PTPRR: variants seen among roughly 807,000 people sequenced by gnomAD.
PTPRR encodes the protein receptor-type tyrosine-protein phosphatase R.
A neutral mutation model predicts 77.2 loss-of-function variants in PTPRR; 38 were observed. The observed-to-expected ratio is 0.49, with a 90% CI of 0.38 to 0.65. The LOEUF (loss-of-function observed/expected upper bound fraction) is 0.65, where lower values mean the gene tolerates loss of function less well. Among genes scored for constraint, PTPRR ranks in the 30% least tolerant of loss-of-function variants. The probability of loss-of-function intolerance (pLI) is 0.00; values close to 1 mark genes in which losing one functional copy is unlikely to be tolerated. For synonymous variants in PTPRR, 299 were observed against 283.1 expected, an observed-to-expected ratio of 1.06 and a Z score of -0.57; for missense variants, 744 against 799.2, an observed-to-expected ratio of 0.93 and a Z score of 0.83.
At position 70,842,527 on chromosome 12, in the gene PTPRR, A is replaced by G. The variant is rs531672816; in HGVS notation, c.357+50152T>C. On this transcript the variant is annotated intron_variant, in intron 2 of 13. Coordinates refer to ENST00000283228, the MANE Select transcript of PTPRR (RefSeq NM_002849.4). ...CTGCGCTTCCTCCCCCCAAAAATGG[A>G]GAATCTGTTCTTTGCCTCTTCCAAC... 2.0e-5 allele frequency among the ~76,000 whole-genome samples: 3 copies of G among 152,318 alleles called. No homozygotes were observed. The East Asian group carries it at 5.8e-4, about 29-fold the overall frequency.
intron 2 of PTPRR, among the ~76,000 whole-genome samples, chr12:70,836,883 G>A (rs985668702): frequency 6.6e-6 from 1 of 151,802 alleles, no homozygotes; most frequent in African/African-American, 2.4e-5. Flanking sequence ...GACAGTATGT[G>A]TTCAATATAT....
Position 70,766,506 on chromosome 12 carries a change from G to C in PTPRR, c.358-1728C>G, listed in dbSNP as rs149725216. On this transcript the variant is annotated intron_variant, in intron 2 of 13. Coordinates refer to ENST00000283228, the MANE Select transcript of PTPRR (RefSeq NM_002849.4). ...GTGAACAAAGCCTCCAAGAAATATG[G>C]GACTATGTGAAAAGACCAAATCTAC... Among the ~76,000 whole-genome samples the C allele has an allele frequency of 4.3e-3, 652 of 152,128 alleles. 3 individuals are homozygous for C. Among genetic ancestry groups the C allele is most frequent in the African/African-American group, 0.015 (630 of 41,452 alleles).
intron 6 of PTPRR, among the ~76,000 whole-genome samples, chr12:70,717,673 T>C (rs1324955537): frequency 6.6e-6 from 1 of 152,168 alleles, no homozygotes; most frequent in East Asian, 1.9e-4. Context: ...ACAGAACATG[T>C]CCCATATCTA....
chr12:70,671,379 A>T (rs1274790516), intron 10 of PTPRR, among the ~76,000 whole-genome samples: 1 of 152,172 alleles, frequency 6.6e-6, no homozygotes, highest in African/African-American at 2.4e-5. Context: ...TAGGGAAAAA[A>T]AGCACAAAGC....
intron 2 of PTPRR, among the ~76,000 whole-genome samples, chr12:70,767,551 T>A (rs1208421598): frequency 2.0e-5 from 3 of 151,934 alleles, no homozygotes; most frequent in Non-Finnish European, 4.4e-5. Context: ...CTTAGACTCC[T>A]ACACAATAAT....
chr12:70,866,357 C>T (rs1327657758), intron 2 of PTPRR, among the ~76,000 whole-genome samples: 1 of 151,794 alleles, frequency 6.6e-6, no homozygotes, highest in Non-Finnish European at 1.5e-5. Context: ...GATATCACCA[C>T]CGATCCCACA....
At chr12:70,818,097 A>G (rs1434447982) in intron 2 of PTPRR, among the ~76,000 whole-genome samples, 2 of 152,072 alleles carry the variant, frequency 1.3e-5, no homozygotes, top group South Asian at 2.1e-4. Flanking sequence ...CTGTAATCCT[A>G]GCTACTCAGG....
chr12:70,727,549 G>A (rs1336540928), intron 6 of PTPRR, among the ~76,000 whole-genome samples: 4 of 152,112 alleles, frequency 2.6e-5, no homozygotes, highest in African/African-American at 9.7e-5. Context: ...TTTCCAAGTG[G>A]CCAGTAAAAA....
At chr12:70,885,188 T>C (rs1405236443) in intron 2 of PTPRR, among the ~76,000 whole-genome samples, 1 of 151,932 alleles carries the variant, frequency 6.6e-6, no homozygotes, top group Non-Finnish European at 1.5e-5. Context: ...CTCAGTAATA[T>C]TAATTGGGCA....
chr12:70,861,727 T>A (rs765489070), intron 2 of PTPRR, among the ~76,000 whole-genome samples: 1 of 152,080 alleles, frequency 6.6e-6, no homozygotes, highest in East Asian at 1.9e-4. Context: ...CATACCAAAT[T>A]ACAGTCATCT....
intron 2 of PTPRR, among the ~76,000 whole-genome samples, chr12:70,783,871 G>GAC (rs1891259419): frequency 2.6e-5 from 2 of 76,864 alleles, no homozygotes; most frequent in Admixed American, 1.2e-4. Context: ...GACGGGGGGG[G>GAC]GGGGCGGGGG....
intron 6 of PTPRR, among the ~76,000 whole-genome samples, chr12:70,712,817 A>G (rs1256376493): frequency 6.6e-6 from 1 of 152,104 alleles, no homozygotes; most frequent in Admixed American, 6.6e-5. Context: ...CCAATTTTAT[A>G]TAATATTAAT....
rs570831496 is a variant in PTPRR, at chr12:70,834,254, T to C, written c.357+58425A>G. Among the ~76,000 whole-genome samples, 6 of 152,324 alleles carry C rather than the reference T, an allele frequency of 3.9e-5. No homozygotes were observed. The South Asian group carries it at 1.2e-3, about 32-fold the overall frequency. Reference sequence around the variant, plus strand: ...TTTTATTCATTTTAAGTTTTTATTTTTTACAGGGCTGTGTGCTTTTGCTCC... The same window carrying C: ...TTTTATTCATTTTAAGTTTTTATTTCTTACAGGGCTGTGTGCTTTTGCTCC... On this transcript the variant is annotated intron_variant, in intron 2 of 13. Coordinates refer to ENST00000283228, the MANE Select transcript of PTPRR (RefSeq NM_002849.4).
At chr12:70,749,794 T>C (rs1890331771) in intron 5 of PTPRR, among the ~76,000 whole-genome samples, 1 of 152,202 alleles carries the variant, frequency 6.6e-6, no homozygotes, top group Admixed American at 6.5e-5. Context: ...CAAACAACTA[T>C]TTTCATGTGA....
At chr12:70,693,737 G>A (rs950971394) in intron 8 of PTPRR, among the ~76,000 whole-genome samples, 2 of 151,584 alleles carry the variant, frequency 1.3e-5, no homozygotes, top group Non-Finnish European at 2.9e-5. Context: ...AACAAAAAAT[G>A]TATAATCATC....
intron 10 of PTPRR, among the ~76,000 whole-genome samples, chr12:70,674,250 T>C (rs1592659969): frequency 6.6e-6 from 1 of 152,170 alleles, no homozygotes; most frequent in Admixed American, 6.5e-5. Flanking sequence ...AATCCTTTTA[T>C]CTTTGTTTTA....
chr12:70,756,907 A>G (rs190718631), intron 4 of PTPRR, among the ~76,000 whole-genome samples: 2 of 152,318 alleles, frequency 1.3e-5, no homozygotes, highest in East Asian at 3.9e-4. Flanking sequence ...ACACAGAATA[A>G]GAATGAAGTG....
intron 2 of PTPRR, among the ~76,000 whole-genome samples, chr12:70,846,628 C>T (rs949880312): frequency 9.2e-5 from 14 of 151,836 alleles, no homozygotes; most frequent in Non-Finnish European, 1.8e-4. Context: ...GGGACTAGTC[C>T]CCTTAAAAAA....
rs755542971 is a variant in PTPRR at position 70,764,694 on chromosome 12, G to A, written c.442C>T (p.Pro148Ser). 1.9e-6 allele frequency: 3 copies of A among 1,613,790 alleles called. No individual in the cohort carries two copies. The highest frequency in any genetic ancestry group is 2.5e-6 in the Non-Finnish European group (3 of 1,179,796). ...AGGCGATTGATGTGCACTTGCTGGG[G>A]TAAGAGTCCTAAAGCTGCAGCCACT... is the stretch of plus-strand genomic sequence containing the variant. ...QGVAAALGLL[P>S]QQVHINRLIG... The change falls in exon 3 of 14, where the codon CCC (proline) becomes TCC (serine). Residue 148 changes from proline to serine, a missense_variant. Pro to Ser is a moderately conservative substitution (Grantham distance 74). Coordinates refer to ENST00000283228, the MANE Select transcript of PTPRR (RefSeq NM_002849.4).
Sources: gnomAD v4.1 joint callset for allele counts (sites outside exome capture counted in the v4.1 genomes callset) on GRCh38, gnomAD v4.1.1 for gene constraint, MANE v1.5 for transcripts, NCBI Gene and HGNC (gene_info 2026-07-23, HGNC 2026-07-21) for gene names.